Variants in CMSS1 observed in about 807,000 individuals in gnomAD.
CMSS1 encodes the protein cms1 ribosomal small subunit homolog.
In CMSS1, 33 loss-of-function variants were observed where a neutral mutation model predicts 43.5. The observed-to-expected ratio is 0.76, with a 90% CI of 0.57 to 1.01. The LOEUF (loss-of-function observed/expected upper bound fraction) is 1.01. CMSS1 is among the 50% of genes least tolerant of loss of function. CMSS1 has a pLI of 0.00. For missense variants in CMSS1, 313 were observed against 326.4 expected, an observed-to-expected ratio of 0.96 and a Z score of 0.32; for synonymous variants, 115 against 117.2, an observed-to-expected ratio of 0.98 and a Z score of 0.12.
chr3:100,000,276 G>A (rs1709805261), intron 1 of CMSS1, among the ~76,000 whole-genome samples: 1 of 152,168 alleles, frequency 6.6e-6, no homozygotes, highest in Admixed American at 6.5e-5. Context: ...GTCATCCAAA[G>A]GGGCCTCCTC....
intron 1 of CMSS1, chr3:99,849,410 T>C (rs1343991857): frequency 6.2e-7 from 1 of 1,614,216 alleles, no homozygotes; most frequent in East Asian, 2.2e-5. Context: ...TCTCTGTTCC[T>C]GTTTTCTTGT....
chr3:99,848,311 C>G, intron 1 of CMSS1: 1 of 1,613,872 alleles, frequency 6.2e-7, no homozygotes, highest in Non-Finnish European at 8.5e-7. Flanking sequence ...TTGTGATTGT[C>G]GAGGAAGAGG....
At chr3:100,126,027 G>A (rs1223621716) in intron 1 of CMSS1, among the ~76,000 whole-genome samples, 2 of 152,154 alleles carry the variant, frequency 1.3e-5, no homozygotes, top group East Asian at 3.9e-4. Flanking sequence ...AAGATATAAC[G>A]TCTGTATGAT....
chr3:100,067,458 C>T (rs1260670273), intron 1 of CMSS1, among the ~76,000 whole-genome samples: 3 of 152,160 alleles, frequency 2.0e-5, no homozygotes, highest in African/African-American at 7.2e-5. Flanking sequence ...TATTCCCATT[C>T]CTCCATTAGT....
intron 1 of CMSS1, among the ~76,000 whole-genome samples, chr3:100,036,396 C>A (rs1255190708): frequency 1.3e-5 from 2 of 152,138 alleles, no homozygotes; most frequent in African/African-American, 2.4e-5. Flanking sequence ...CAAAAGGACA[C>A]CAGAGTTGGC....
intron 1 of CMSS1, among the ~76,000 whole-genome samples, chr3:99,957,222 G>A (rs774663643): frequency 5.3e-5 from 8 of 152,068 alleles, no homozygotes; most frequent in Non-Finnish European, 1.2e-4. Context: ...GGGCCAAGCC[G>A]GTGATAAAGC....
intron 1 of CMSS1, among the ~76,000 whole-genome samples, chr3:100,069,200 C>A (rs1413384160): frequency 6.6e-6 from 1 of 152,110 alleles, no homozygotes; most frequent in Non-Finnish European, 1.5e-5. Context: ...TCACTGAGGT[C>A]CTTTAAAAAG....
chr3:100,115,768 T>G (rs2066562219), intron 1 of CMSS1, among the ~76,000 whole-genome samples: 1 of 152,164 alleles, frequency 6.6e-6, no homozygotes, highest in Non-Finnish European at 1.5e-5. Context: ...GTATAACAAT[T>G]AAATTCAGTA....
chr3:99,859,998 T>C (rs1944162780), intron 1 of CMSS1, among the ~76,000 whole-genome samples: 1 of 152,242 alleles, frequency 6.6e-6, no homozygotes, highest in African/African-American at 2.4e-5. Flanking sequence ...TTCATTTGAC[T>C]TAGTCAGCAA....
intron 1 of CMSS1, among the ~76,000 whole-genome samples, chr3:99,891,079 C>T (rs186764549): frequency 6.6e-6 from 1 of 150,750 alleles, no homozygotes; most frequent in Non-Finnish European, 1.5e-5. Context: ...TTCAGACCAC[C>T]CAGTTAGTAT....
chr3:99,833,893 T>C (rs1033306169), intron 1 of CMSS1, among the ~76,000 whole-genome samples: 1 of 152,276 alleles, frequency 6.6e-6, no homozygotes, highest in Non-Finnish European at 1.5e-5. Flanking sequence ...ACAGTGTTTT[T>C]GTAGTTTTGT....
chr3:100,002,370 A>G (rs1709867754), intron 1 of CMSS1, among the ~76,000 whole-genome samples: 1 of 152,172 alleles, frequency 6.6e-6, no homozygotes, highest in African/African-American at 2.4e-5. Context: ...CCTGATACAC[A>G]TTTGCTTTCA....
At chr3:100,054,975 G>T (rs1478238695) in intron 1 of CMSS1, among the ~76,000 whole-genome samples, 2 of 152,108 alleles carry the variant, frequency 1.3e-5, no homozygotes, top group African/African-American at 2.4e-5. Context: ...TTCCCAGCTT[G>T]CAGAGCCTCT....
At chr3:100,097,318 A>C (rs1367479798) in intron 1 of CMSS1, among the ~76,000 whole-genome samples, 1 of 152,224 alleles carries the variant, frequency 6.6e-6, no homozygotes, top group African/African-American at 2.4e-5. Context: ...CCACTGTTGT[A>C]TTAGATATTG....
chr3:99,843,900 A>C (rs1215325839), intron 1 of CMSS1, among the ~76,000 whole-genome samples: 1 of 152,212 alleles, frequency 6.6e-6, no homozygotes, highest in Non-Finnish European at 1.5e-5. Flanking sequence ...TGTGAACTGC[A>C]CATGCGAGGG....
In CMSS1 at chr3:100,172,408, G is replaced by A. The variant is rs1382656616; in HGVS notation, c.667+5G>A. The A allele has an allele frequency of 5.6e-6, 9 of 1,609,884 alleles. No individual in the cohort carries two copies. Among genetic ancestry groups the A allele is most frequent in the Non-Finnish European group, 7.7e-6 (9 of 1,176,378 alleles). ...TTAAAGAACTTGTTAAACAAGGTATGACAAGAGGGCAGTGATACTCTTGCC... is the reference window on the plus strand; with the variant it reads ...TTAAAGAACTTGTTAAACAAGGTATAACAAGAGGGCAGTGATACTCTTGCC... On this transcript the variant is annotated splice_donor_5th_base_variant and intron_variant, in intron 8 of 9. Coordinates refer to ENST00000421999, the MANE Select transcript of CMSS1 (RefSeq NM_032359.4).
At chr3:99,951,209 C>G (rs1388493911) in intron 1 of CMSS1, among the ~76,000 whole-genome samples, 1 of 152,242 alleles carries the variant, frequency 6.6e-6, no homozygotes, top group Non-Finnish European at 1.5e-5. Flanking sequence ...TCAGCTGATA[C>G]TTCCTGGAGA....
In CMSS1 at chr3:100,105,276, T is replaced by G. The variant is rs548302975; in HGVS notation, c.65-41697T>G. ...TATAATTGAAGCTGACCATTAATAC[T>G]GATTTGGGAGTGGCAATATTTAGTT... On this transcript the variant is annotated intron_variant, in intron 1 of 9. Transcript: ENST00000421999. 2.4e-4 allele frequency among the ~76,000 whole-genome samples: 37 copies of G among 152,332 alleles called. No individual in the cohort carries two copies. In the South Asian group the frequency reaches 6.8e-3, roughly 28 times the overall value.
At chr3:99,964,551 C>G (rs1035814603) in intron 1 of CMSS1, among the ~76,000 whole-genome samples, 2 of 151,924 alleles carry the variant, frequency 1.3e-5, no homozygotes, top group African/African-American at 4.8e-5. Flanking sequence ...ATTCCTCACT[C>G]TGTTCTTTGC....
Sources: gnomAD v4.1 joint callset for allele counts (sites outside exome capture counted in the v4.1 genomes callset) on GRCh38, gnomAD v4.1.1 for gene constraint, MANE v1.5 for transcripts, NCBI Gene and HGNC (gene_info 2026-07-23, HGNC 2026-07-21) for gene names.